Variants in CASP10 observed in about 807,000 individuals in gnomAD.
CASP10 encodes caspase 10.
A neutral mutation model predicts 48.5 loss-of-function variants in CASP10; 41 were observed. That is an observed-to-expected ratio of 0.85 (90% confidence interval 0.66 to 1.10). The LOEUF is 1.10. CASP10 is among the 50% of genes least tolerant of loss of function. The pLI is 0.00. For synonymous variants in CASP10, 232 were observed against 238.4 expected, an observed-to-expected ratio of 0.97 and a Z score of 0.25; for missense variants, 614 against 614.5, an observed-to-expected ratio of 1.00 and a Z score of 0.01.
intron 9 of CASP10, among the ~76,000 whole-genome samples, chr2:201,228,290 G>A (rs538821222): frequency 1.3e-5 from 2 of 152,138 alleles, no homozygotes; most frequent in African/African-American, 2.4e-5. Context: ...AGCTGAGATC[G>A]TGCCAGTGAC....
chr2:201,190,466 T>G lies in CASP10; in HGVS notation c.442-2518T>G, dbSNP rs571641484. Among the ~76,000 whole-genome samples, 22 of 152,252 alleles carry G rather than the reference T, an allele frequency of 1.4e-4. No individual in the cohort carries two copies. In the East Asian group the frequency reaches 4.2e-3, roughly 29 times the overall value. ...CCACATTTGCAGTGGTACAAAGCAA[T>G]TACCTGCTCAAATGGTAGCATTATA... On this transcript the variant is annotated intron_variant, in intron 3 of 9. Coordinates refer to ENST00000286186, the MANE Select transcript of CASP10 (RefSeq NM_032977.4).
At chr2:201,223,896 C>A (rs1945755203), downstream of CASP10, among the ~76,000 whole-genome samples, 1 of 152,084 alleles carries the variant, frequency 6.6e-6, no homozygotes, top group Non-Finnish European at 1.5e-5. Context: ...CTCCTGTGCT[C>A]AACTGATCCT....
intron 3 of CASP10, among the ~76,000 whole-genome samples, chr2:201,188,233 G>C (rs1025266215): frequency 1.1e-4 from 16 of 152,030 alleles, no homozygotes; most frequent in African/African-American, 3.9e-4. Context: ...AGGCTGGAGT[G>C]CAGTGGCATG....
intron 9 of CASP10, among the ~76,000 whole-genome samples, chr2:201,216,292 C>A (rs973064969): frequency 2.6e-5 from 4 of 151,542 alleles, no homozygotes; most frequent in African/African-American, 9.7e-5. Flanking sequence ...TTGCTTAAGC[C>A]CAGAAGTTTG....
At position 201,228,879 on chromosome 2, in the gene CASP10, T is replaced by C. The variant is rs1365837102; in HGVS notation, c.1416-54T>C. ...GGTCCAGCCTCTCCAGGTCCTTGTG[T>C]GTGAAAAACCACTCAGTCAAAGTTC... On this transcript the variant is annotated intron_variant, in intron 9 of 9. Transcript: ENST00000272879. 3.8e-6 allele frequency: 6 copies of C among 1,560,494 alleles called. No homozygotes were observed. The African/African-American group carries it at 5.4e-5, about 14-fold the overall frequency.
rs1488585489 is a variant in CASP10, at chr2:201,209,288, T to C, written c.1141T>C (p.Phe381Leu). ...TCCCATTCGGGAGATCATGTCTCAC[T>C]TCACAGCCCTGCAGTGCCCTAGACT... is the stretch of plus-strand genomic sequence containing the variant. ...LIPIREIMSHFTALQCPRLAE... is the reference protein window; with the variant it reads ...LIPIREIMSHLTALQCPRLAE... Residue 381 changes from phenylalanine to leucine, a missense_variant, in exon 9 of 10, where the codon TTC (phenylalanine) becomes CTC (leucine). By Grantham distance (22) the Phe-to-Leu change is conservative (BLOSUM62 0). Coordinates refer to ENST00000286186, the MANE Select transcript of CASP10 (RefSeq NM_032977.4). 1 of 1,614,176 alleles carries C rather than the reference T, an allele frequency of 6.2e-7. No individual in the cohort carries two copies. The highest frequency in any genetic ancestry group is 8.5e-7 in the Non-Finnish European group (1 of 1,180,028).
intron 9 of CASP10, chr2:201,213,216 T>G (rs952993041): frequency 6.6e-6 from 1 of 152,216 alleles, no homozygotes; most frequent in African/African-American, 2.4e-5. Flanking sequence ...GCAAACTTTA[T>G]CGGTAAATAA....
chr2:201,219,985 G>A lies in CASP10; in HGVS notation c.*2244G>A. 1.0e-6 allele frequency: 1 copy of A among 985,406 alleles called. No individual in the cohort carries two copies. The highest frequency in any genetic ancestry group is 1.2e-6 in the Non-Finnish European group (1 of 829,926). The allele number at this position is 985,406 out of a possible 1,614,324, so 61.0% of individuals were successfully genotyped here. ...GATATGTGAATGCTCATAAAAAAAT[G>A]TCAAGGAATGAAGAACAACAACTCT... On this transcript the variant is annotated 3_prime_UTR_variant, in exon 10 of 10. Transcript: ENST00000286186.
chr2:201,185,586 T>C (rs1348626397), intron 1 of CASP10, among the ~76,000 whole-genome samples, 185 bp from the exon 2 acceptor site: 8 of 152,074 alleles, frequency 5.3e-5, no homozygotes, highest in Non-Finnish European at 1.5e-5. Context: ...TTGCAAGTGT[T>C]GGGGAAAAGT....
rs553234264 is a variant in CASP10 at position 201,194,682 on chromosome 2, ATAT to A, written c.578-1155_578-1153del. ...TAAAGTAAACATAGGGCAAGTGGTC[ATAT>A]TATTCTGGATATTTAAATTCTAAAG... On this transcript the variant is annotated intron_variant, in intron 4 of 9. Transcript: ENST00000286186. 3.6e-4 allele frequency among the ~76,000 whole-genome samples: 55 copies of A among 152,346 alleles called. 1 individual carries two copies. Among genetic ancestry groups the A allele is most frequent in the Admixed American group, 7.8e-4 (12 of 15,304 alleles).
downstream of CASP10, among the ~76,000 whole-genome samples, chr2:201,224,458 A>G (rs932136997): frequency 4.6e-5 from 7 of 152,158 alleles, no homozygotes; most frequent in African/African-American, 1.7e-4. Context: ...AAATTGTACT[A>G]ATTTTTACTT....
At chr2:201,198,334 C>T (rs1008506395) in intron 5 of CASP10, among the ~76,000 whole-genome samples, 1 of 151,206 alleles carries the variant, frequency 6.6e-6, no homozygotes, top group African/African-American at 2.4e-5. Flanking sequence ...AGCGATTCTC[C>T]TGCCTCAGCC....
intron 6 of CASP10, 56 bp from the exon 7 acceptor site, chr2:201,205,826 G>A: frequency 9.4e-7 from 1 of 1,061,454 alleles, no homozygotes; most frequent in Admixed American, 1.7e-5. Flanking sequence ...AATTATCAGT[G>A]AAGAAATCTA....
At chr2:201,184,116 G>A (rs1362968835) in intron 1 of CASP10, among the ~76,000 whole-genome samples, 2 of 147,866 alleles carry the variant, frequency 1.4e-5, no homozygotes, top group African/African-American at 2.7e-5. Flanking sequence ...GGCTTGTCCC[G>A]AATTCCTGGC....
At chr2:201,197,269 G>A (rs1273537737) in intron 5 of CASP10, among the ~76,000 whole-genome samples, 4 of 151,642 alleles carry the variant, frequency 2.6e-5, no homozygotes, top group Non-Finnish European at 5.9e-5. Context: ...GTACCACCAC[G>A]CCCAGCCACA....
intron 9 of CASP10, chr2:201,213,282 T>C (rs1411902256): frequency 6.6e-6 from 1 of 152,154 alleles, no homozygotes; most frequent in Non-Finnish European, 1.5e-5. Flanking sequence ...TAAACTATAT[T>C]TACAAGGTAT....
chr2:201,193,454 C>T (rs1944681872), intron 4 of CASP10: 3 of 329,096 alleles, frequency 9.1e-6, no homozygotes, highest in African/African-American at 2.2e-5. Context: ...GTGATCCACC[C>T]ACCTCGGCCT....
In CASP10 at chr2:201,220,867, GA is replaced by G. The variant is rs1945703982; in HGVS notation, c.*3129del. 15 of 985,450 alleles carry G rather than the reference GA, an allele frequency of 1.5e-5. No homozygotes were observed. The highest frequency in any genetic ancestry group is 1.8e-5 in the Non-Finnish European group (15 of 829,948). 61.0% of individuals were successfully genotyped at this position (985,450 alleles called of 1,614,324 possible). A position where few individuals can be genotyped will look rare whatever the true frequency, so the allele number is the denominator to read the frequency against. ...AAGTGAAGGATGGTGAGATACTGAG[GA>G]AAGAGCAAAGGATCTGGAGATCAAA... On this transcript the variant is annotated 3_prime_UTR_variant, in exon 10 of 10. Coordinates refer to ENST00000286186, the MANE Select transcript of CASP10 (RefSeq NM_032977.4).
downstream of CASP10, among the ~76,000 whole-genome samples, chr2:201,226,279 A>G (rs529131529): frequency 4.6e-5 from 7 of 152,328 alleles, no homozygotes; most frequent in East Asian, 9.6e-4. Flanking sequence ...TATGTCCATC[A>G]TATTATCAAC....
Sources: allele counts gnomAD v4.1 joint callset (sites outside exome capture counted in the v4.1 genomes callset), GRCh38; gene constraint gnomAD v4.1.1; transcripts MANE v1.5; gene names NCBI Gene and HGNC (gene_info 2026-07-23, HGNC 2026-07-21).